The following TBC1D22A variants were observed in gnomAD, a reference collection of about 807,000 sequenced individuals.
The protein encoded by TBC1D22A is putative GTPase activator.
TBC1D22A carries 38 observed loss-of-function variants against 60.2 expected under a neutral mutation model. That is an observed-to-expected ratio of 0.63 (90% CI 0.49 to 0.83). TBC1D22A has a LOEUF of 0.83. TBC1D22A is among the 40% of genes least tolerant of loss of function. TBC1D22A has a pLI of 0.00. For missense variants in TBC1D22A, 628 were observed against 701.0 expected, an observed-to-expected ratio of 0.90 and a Z score of 1.18; for synonymous variants, 302 against 281.7, an observed-to-expected ratio of 1.07 and a Z score of -0.72.
intron 9 of TBC1D22A, among the ~76,000 whole-genome samples, chr22:46,984,746 A>G (rs1398424101): frequency 1.3e-5 from 2 of 152,220 alleles, no homozygotes; most frequent in Non-Finnish European, 2.9e-5. Context: ...TTATCTCAGA[A>G]CTTGTCAGAG....
chr22:47,056,984 C>T (rs1282439130), intron 11 of TBC1D22A, among the ~76,000 whole-genome samples: 1 of 152,202 alleles, frequency 6.6e-6, no homozygotes, highest in Admixed American at 6.5e-5. Flanking sequence ...CACTGCCTTT[C>T]CCTGCCTTGC....
chr22:46,919,306 A>G (rs1318123173), intron 8 of TBC1D22A, among the ~76,000 whole-genome samples: 1 of 152,136 alleles, frequency 6.6e-6, no homozygotes, highest in African/African-American at 2.4e-5. Flanking sequence ...TCATGCTTCC[A>G]AGGTTCATCC....
At chr22:46,798,055 T>C in intron 4 of TBC1D22A, among the ~76,000 whole-genome samples, 1 of 152,136 alleles carries the variant, frequency 6.6e-6, no homozygotes, top group East Asian at 1.9e-4. Flanking sequence ...AAACAATTTT[T>C]TCTACAGATA....
chr22:46,865,955 A>G (rs2067033127), intron 4 of TBC1D22A, among the ~76,000 whole-genome samples: 1 of 152,252 alleles, frequency 6.6e-6, no homozygotes, highest in Non-Finnish European at 1.5e-5. Flanking sequence ...ATCTTACAGC[A>G]GAGTGTGGTG....
chr22:46,862,033 C>T (rs1298417138), intron 4 of TBC1D22A, among the ~76,000 whole-genome samples: 1 of 151,864 alleles, frequency 6.6e-6, no homozygotes, highest in Non-Finnish European at 1.5e-5. Context: ...TCAGGAGGGA[C>T]TGGACATGTG....
intron 1 of TBC1D22A, among the ~76,000 whole-genome samples, chr22:46,790,219 C>G (rs1001685640): frequency 1.3e-5 from 2 of 152,256 alleles, no homozygotes; most frequent in Non-Finnish European, 2.9e-5. Flanking sequence ...AAGCCGCCCA[C>G]GTTCCTTGGC....
intron 4 of TBC1D22A, among the ~76,000 whole-genome samples, chr22:46,820,815 G>A (rs2085794061): frequency 6.6e-6 from 1 of 152,110 alleles, no homozygotes; most frequent in Non-Finnish European, 1.5e-5. Context: ...ATCTAATACT[G>A]ATAGTGGGGT....
intron 10 of TBC1D22A, among the ~76,000 whole-genome samples, chr22:47,036,525 C>G (rs2062662731): frequency 6.6e-6 from 1 of 152,204 alleles, no homozygotes; most frequent in South Asian, 2.1e-4. Flanking sequence ...CCAGCTGTGT[C>G]AGGGGTGTCC....
intron 4 of TBC1D22A, among the ~76,000 whole-genome samples, chr22:46,852,153 C>T (rs1300933596): frequency 1.3e-5 from 2 of 152,202 alleles, no homozygotes; most frequent in African/African-American, 2.4e-5. Flanking sequence ...GGGGGGATGT[C>T]GTGGGCATCA....
intron 4 of TBC1D22A, among the ~76,000 whole-genome samples, chr22:46,799,433 G>T (rs1312943343): frequency 6.6e-6 from 1 of 152,174 alleles, no homozygotes. Flanking sequence ...TAAGCACAAA[G>T]ACATTCCCTC....
intron 11 of TBC1D22A, among the ~76,000 whole-genome samples, chr22:47,072,455 G>T (rs1569419012): frequency 6.6e-6 from 1 of 152,254 alleles, no homozygotes; most frequent in Non-Finnish European, 1.5e-5. Context: ...CAGAAGTGGA[G>T]TTCCCAGTCC....
At chr22:46,947,554 C>T (rs1452186825) in intron 8 of TBC1D22A, among the ~76,000 whole-genome samples, 3 of 152,192 alleles carry the variant, frequency 2.0e-5, no homozygotes, top group Non-Finnish European at 4.4e-5. Context: ...CCACCATCTT[C>T]GTTGCGCTAT....
chr22:47,075,517 C>T (rs1160053208), intron 11 of TBC1D22A, among the ~76,000 whole-genome samples: 1 of 152,040 alleles, frequency 6.6e-6, no homozygotes, highest in Non-Finnish European at 1.5e-5. Context: ...TCCCATCCCT[C>T]AGTGTTAAAG....
intron 12 of TBC1D22A, among the ~76,000 whole-genome samples, chr22:47,163,175 C>T (rs2068065004): frequency 1.3e-5 from 2 of 151,922 alleles, no homozygotes; most frequent in South Asian, 4.2e-4. Flanking sequence ...CCCCTGGCTG[C>T]CCCACCCAGA....
In TBC1D22A at chr22:46,990,840, G is replaced by A. The variant is rs963671838; in HGVS notation, c.1126-6794G>A. Among the ~76,000 whole-genome samples, 3 of 152,174 alleles carry A rather than the reference G, an allele frequency of 2.0e-5. No homozygotes were observed. The East Asian group carries it at 5.8e-4, about 29-fold the overall frequency. ...GGCGTTCGTGACGGCTCTGCTCCTCGCCGTGTGCGTCTGGAAGTGACCATG... is the reference window on the plus strand; with the variant it reads ...GGCGTTCGTGACGGCTCTGCTCCTCACCGTGTGCGTCTGGAAGTGACCATG... On this transcript the variant is annotated intron_variant, in intron 9 of 12. Transcript: ENST00000337137. This position sits in a 1 kb window ranked among gnomAD's most constrained non-coding sequence, Gnocchi z 4.6.
At chr22:47,019,843 C>T (rs899651375) in intron 10 of TBC1D22A, among the ~76,000 whole-genome samples, 6 of 151,146 alleles carry the variant, frequency 4.0e-5, no homozygotes, top group African/African-American at 1.5e-4. Context: ...CCATCCTCTC[C>T]TCTCTCTTAA....
chr22:46,776,261 G>A (rs575910785), intron 1 of TBC1D22A, among the ~76,000 whole-genome samples: 6 of 152,358 alleles, frequency 3.9e-5, no homozygotes, highest in Admixed American at 6.5e-5. Context: ...CCTGAGTGAG[G>A]AGGAGTACAG....
At chr22:47,005,548 C>T (rs938685584) in intron 10 of TBC1D22A, among the ~76,000 whole-genome samples, 9 of 151,654 alleles carry the variant, frequency 5.9e-5, no homozygotes, top group African/African-American at 1.9e-4. Context: ...CACACATACC[C>T]TCCTACACAC....
chr22:47,050,035 G>A (rs772544748), intron 11 of TBC1D22A, among the ~76,000 whole-genome samples: 55 of 152,066 alleles, frequency 3.6e-4, no homozygotes, highest in Non-Finnish European at 6.9e-4. Context: ...GAGAAGTCTC[G>A]CCCTTGTCCC....
Sources: allele counts gnomAD v4.1 joint callset (sites outside exome capture counted in the v4.1 genomes callset), GRCh38; gene constraint gnomAD v4.1.1; non-coding constraint Gnocchi (gnomAD v3.1); transcripts MANE v1.5; gene names NCBI Gene and HGNC (gene_info 2026-07-23, HGNC 2026-07-21).